Variants in TRERF1 observed in about 807,000 individuals in gnomAD.
TRERF1 encodes transcriptional regulating factor 1, also known as transcriptional-regulating factor 1.
Under a neutral mutation model 122.9 loss-of-function variants are expected in TRERF1, and 27 were observed. The ratio of observed to expected loss-of-function variants is 0.22; its 90% CI spans 0.16 to 0.30. The LOEUF (loss-of-function observed/expected upper bound fraction) is 0.30. Among genes scored for constraint, TRERF1 ranks in the 10% least tolerant of loss-of-function variants. The probability of loss-of-function intolerance (pLI) is 1.00; values close to 1 mark genes in which losing one functional copy is unlikely to be tolerated. For missense variants in TRERF1, 1,248 were observed against 1,560.3 expected, an observed-to-expected ratio of 0.80 and a Z score of 3.37; for synonymous variants, 636 against 641.7, an observed-to-expected ratio of 0.99 and a Z score of 0.13.
intron 3 of TRERF1, among the ~76,000 whole-genome samples, chr6:42,346,076 T>C (rs1002024340): frequency 2.0e-5 from 3 of 152,222 alleles, no homozygotes; most frequent in African/African-American, 7.2e-5. Context: ...GCTTACTATA[T>C]GTGTAATGAG....
intron 5 of TRERF1, among the ~76,000 whole-genome samples, chr6:42,266,796 C>T (rs773752076): frequency 2.0e-5 from 3 of 152,208 alleles, no homozygotes; most frequent in Non-Finnish European, 2.9e-5. Context: ...AATCATGGTG[C>T]ACAAGATGAA....
chr6:42,320,484 C>T (rs748043823), intron 3 of TRERF1, among the ~76,000 whole-genome samples: 16 of 150,972 alleles, frequency 1.1e-4, no homozygotes, highest in Non-Finnish European at 2.1e-4. Context: ...GAACACATCA[C>T]TACCAAAACA....
intron 4 of TRERF1, among the ~76,000 whole-genome samples, chr6:42,273,160 A>G (rs1780551875): frequency 6.6e-6 from 1 of 150,964 alleles, no homozygotes; most frequent in African/African-American, 2.5e-5. Context: ...CCTTTCTTAT[A>G]TGTTCTCATA....
chr6:42,287,959 A>C (rs1783567520), intron 4 of TRERF1, among the ~76,000 whole-genome samples: 1 of 151,994 alleles, frequency 6.6e-6, no homozygotes, highest in Non-Finnish European at 1.5e-5. Flanking sequence ...ATACACCCTG[A>C]GCACCTGTCC....
At chr6:42,321,328 T>C (rs1763417007) in intron 3 of TRERF1, among the ~76,000 whole-genome samples, 1 of 150,796 alleles carries the variant, frequency 6.6e-6, no homozygotes, top group Non-Finnish European at 1.5e-5. Flanking sequence ...AGACCTAGAA[T>C]GAAATCAAAT....
At chr6:42,288,630 A>C (rs907202506) in intron 4 of TRERF1, among the ~76,000 whole-genome samples, 4 of 151,130 alleles carry the variant, frequency 2.6e-5, no homozygotes, top group Non-Finnish European at 5.9e-5. Flanking sequence ...TTGGCAGAAA[A>C]GTCAGGGAAG....
chr6:42,383,647 C>G (rs1335268737), intron 2 of TRERF1, among the ~76,000 whole-genome samples: 1 of 152,108 alleles, frequency 6.6e-6, no homozygotes, highest in Non-Finnish European at 1.5e-5. Context: ...AAAATGGACT[C>G]GTTTTCATCA....
chr6:42,449,513 C>A, intron 2 of TRERF1, among the ~76,000 whole-genome samples: 1 of 147,824 alleles, frequency 6.8e-6, no homozygotes, highest in African/African-American at 2.5e-5. Flanking sequence ...CAAAGCAAGA[C>A]AATAAAATAA....
In TRERF1 at chr6:42,352,097, C is replaced by T. The variant is rs373147964; in HGVS notation, c.-371+10900G>A. ...ATGGCTCCCTGAAGCCTCAACCTCC[C>T]AGGCTCAGGTGGTCCTCCCACCTCA... is the stretch of plus-strand genomic sequence containing the variant. On this transcript the variant is annotated intron_variant, in intron 3 of 17. Coordinates refer to ENST00000372922, the Ensembl canonical transcript of TRERF1. Among the ~76,000 whole-genome samples, 38 of 152,304 alleles carry T rather than the reference C, an allele frequency of 2.5e-4. 2 individuals are homozygous for T. In the East Asian group the frequency reaches 3.5e-3, roughly 14 times the overall value.
rs1777500530 is a variant in TRERF1 at position 42,259,819 on chromosome 6, G to C, written c.1885-96C>G. On this transcript the variant is annotated intron_variant, in intron 8 of 17. Transcript: ENST00000372922. This position sits in a 1 kb window ranked among gnomAD's most constrained non-coding sequence, Gnocchi z 4.9. ...AAGGGGGCCTTCTACTGTCTAAGCA[G>C]AGAGCCCTTCTGCTTGACCCCCCCA... 6.5e-7 allele frequency: 1 copy of C among 1,537,920 alleles called. No homozygotes were observed. Among genetic ancestry groups the C allele is most frequent in the African/African-American group, 1.4e-5 (1 of 72,666 alleles).
chr6:42,441,488 T>TTG, intron 2 of TRERF1, among the ~76,000 whole-genome samples: 1 of 152,154 alleles, frequency 6.6e-6, no homozygotes, highest in Non-Finnish European at 1.5e-5. Context: ...GCATTTGCAT[T>TTG]CGAGAGCTCA....
chr6:42,254,715 G>A lies in TRERF1; in HGVS notation c.2656+136C>T, dbSNP rs1043266487. On this transcript the variant is annotated intron_variant, in intron 13 of 17. Coordinates refer to ENST00000372922, the Ensembl canonical transcript of TRERF1. The stretch of plus-strand genomic sequence containing the variant: ...GAGCCAAAGCAACAGACATAGCTCT[G>A]CCCTAGGAGGCCTTGAGATCACAAG... The A allele has an allele frequency of 3.8e-5, 30 of 780,234 alleles. No homozygotes were observed. The Admixed American group carries it at 5.4e-4, about 14-fold the overall frequency. 48.3% of individuals were successfully genotyped at this position (780,234 alleles called of 1,614,324 possible). A position where few individuals can be genotyped will look rare whatever the true frequency, so the allele number is the denominator to read the frequency against.
At chr6:42,236,077 A>T in intron 16 of TRERF1, 128 bp downstream of exon 16, 1 of 1,393,222 alleles carries the variant, frequency 7.2e-7, no homozygotes, top group Non-Finnish European at 9.5e-7. Context: ...CAATGGCAAC[A>T]TGGAGCACCC....
chr6:42,409,820 CTCAG>C (rs1036836320), intron 2 of TRERF1, among the ~76,000 whole-genome samples: 1 of 152,164 alleles, frequency 6.6e-6, no homozygotes, highest in African/African-American at 2.4e-5. Flanking sequence ...TATTTCCCCA[CTCAG>C]TATCTGCAGC....
intron 2 of TRERF1, among the ~76,000 whole-genome samples, chr6:42,447,506 C>T (rs1348454715): frequency 6.6e-6 from 1 of 152,236 alleles, no homozygotes; most frequent in Admixed American, 6.5e-5. Flanking sequence ...TTCCCTTCAA[C>T]ATGCAAATTC....
intron 2 of TRERF1, among the ~76,000 whole-genome samples, chr6:42,392,401 G>A (rs111700471): frequency 2.0e-5 from 3 of 152,110 alleles, no homozygotes; most frequent in Non-Finnish European, 2.9e-5. Context: ...CATTTAGGAC[G>A]TACCTGGGAC....
At chr6:42,416,716 T>C (rs1781885466) in intron 2 of TRERF1, among the ~76,000 whole-genome samples, 1 of 152,224 alleles carries the variant, frequency 6.6e-6, no homozygotes. Context: ...GCTCTTTCTC[T>C]GCTTTAGGAC....
rs1582590043 is a variant in TRERF1 at position 42,255,011 on chromosome 6, G to T, written c.2581-85C>A. 2.1e-6 allele frequency: 3 copies of T among 1,410,556 alleles called. No individual in the cohort carries two copies. In the East Asian group the frequency reaches 6.9e-5, roughly 32 times the overall value. The allele number at this position is 1,410,556 out of a possible 1,614,324, so 87.4% of individuals were successfully genotyped here. A position where few individuals can be genotyped will look rare whatever the true frequency, so the allele number is the denominator to read the frequency against. Reference sequence around the variant, plus strand: ...GATCATCTACCCAAAGGGGAAAAGCGGTTAGCACTGTGGAGGTCAGGGGCG... The same window carrying T: ...GATCATCTACCCAAAGGGGAAAAGCTGTTAGCACTGTGGAGGTCAGGGGCG... On this transcript the variant is annotated intron_variant, in intron 12 of 17. Transcript: ENST00000372922.
intron 2 of TRERF1, among the ~76,000 whole-genome samples, chr6:42,435,912 G>A (rs1263849546): frequency 2.0e-5 from 3 of 151,658 alleles, no homozygotes; most frequent in Non-Finnish European, 2.9e-5. Context: ...CCCAGGAGGC[G>A]GAGGTTGCAG....
Sources: gnomAD v4.1 joint callset for allele counts (sites outside exome capture counted in the v4.1 genomes callset) on GRCh38, gnomAD v4.1.1 for gene constraint, Gnocchi (gnomAD v3.1) non-coding constraint, MANE v1.5 for transcripts, NCBI Gene and HGNC (gene_info 2026-07-23, HGNC 2026-07-21) for gene names.